Variants in DNAAF11 observed in about 807,000 individuals in gnomAD.
The protein encoded by DNAAF11 is dynein axonemal assembly factor 11.
DNAAF11 carries 45 observed loss-of-function variants against 60.8 expected under a neutral mutation model. The observed-to-expected ratio is 0.74, with a 90% CI of 0.58 to 0.95. DNAAF11 has a LOEUF of 0.95. DNAAF11 is among the 40% of genes least tolerant of loss of function. The pLI, the probability that DNAAF11 is intolerant of heterozygous loss-of-function variation, is 0.00. For missense variants in DNAAF11, 546 were observed against 546.2 expected (o/e 1.00, Z 0.00); for synonymous variants, 191 against 183.5 (o/e 1.04, Z -0.33).
intron 7 of DNAAF11, among the ~76,000 whole-genome samples, chr8:132,616,375 C>T (rs1381046906): frequency 2.0e-5 from 3 of 152,022 alleles, no homozygotes; most frequent in Admixed American, 1.3e-4. Context: ...ACAGATAAAC[C>T]ATGGAGACTG....
At chr8:132,637,159 C>A (rs922155232) in intron 4 of DNAAF11, among the ~76,000 whole-genome samples, 11 of 152,162 alleles carry the variant, frequency 7.2e-5, no homozygotes, top group African/African-American at 2.7e-4. Flanking sequence ...TAGTGGTTGT[C>A]AAATGAGGTT....
chr8:132,617,253 T>C lies in DNAAF11; in HGVS notation c.915-2156A>G, dbSNP rs571629368. On this transcript the variant is annotated intron_variant, in intron 7 of 11. Transcript: ENST00000620350. ...TGGTGAGAGCCATGAAGAGCGAATG[T>C]GAAAAGGGAAGACAGCTGAGGAGTT... Among the ~76,000 whole-genome samples the C allele has an allele frequency of 4.6e-5, 7 of 152,058 alleles. No homozygotes were observed. In the South Asian group the frequency reaches 1.5e-3, roughly 32 times the overall value.
At chr8:132,638,552 T>C (rs747031974) in intron 3 of DNAAF11, among the ~76,000 whole-genome samples, 14 of 152,142 alleles carry the variant, frequency 9.2e-5, no homozygotes, top group African/African-American at 1.2e-4. Context: ...TGGAGGGTGA[T>C]AGTGGAAAGA....
At chr8:132,576,880 A>T (rs895988231) in intron 11 of DNAAF11, among the ~76,000 whole-genome samples, 1 of 152,172 alleles carries the variant, frequency 6.6e-6, no homozygotes, top group Non-Finnish European at 1.5e-5. Context: ...GAAGTGGAAG[A>T]AGGGAGAGGG....
intron 1 of DNAAF11, among the ~76,000 whole-genome samples, chr8:132,662,766 C>T (rs1000761589): frequency 6.6e-6 from 1 of 152,192 alleles, no homozygotes; most frequent in South Asian, 2.1e-4. Context: ...CTGTCTCAAG[C>T]ATAAGCAAAT....
At chr8:132,581,678 A>G (rs1020045935) in intron 11 of DNAAF11, among the ~76,000 whole-genome samples, 1 of 151,376 alleles carries the variant, frequency 6.6e-6, no homozygotes, top group African/African-American at 2.4e-5. Context: ...AAAAAAAAAA[A>G]AAAAAGAAGA....
intron 10 of DNAAF11, among the ~76,000 whole-genome samples, chr8:132,596,859 T>A (rs1007521781): frequency 3.3e-5 from 5 of 152,234 alleles, no homozygotes; most frequent in African/African-American, 1.2e-4. Context: ...TCGAAGGGAC[T>A]GTGATGAGAT....
chr8:132,702,286 A>G, the DNAAF11 span: 1 of 152,216 alleles, frequency 6.6e-6, no homozygotes. Flanking sequence ...AAGTTGACTA[A>G]TAGGTCCAAT....
intron 7 of DNAAF11, among the ~76,000 whole-genome samples, chr8:132,616,383 C>T (rs1452836434): frequency 6.6e-6 from 1 of 152,124 alleles, no homozygotes; most frequent in Non-Finnish European, 1.5e-5. Context: ...ACCATGGAGA[C>T]TGCTTAATAA....
At chr8:132,662,632 C>T (rs1824248426) in intron 1 of DNAAF11, among the ~76,000 whole-genome samples, 1 of 152,176 alleles carries the variant, frequency 6.6e-6, no homozygotes, top group Admixed American at 6.5e-5. Context: ...TGCCATTTGT[C>T]AGATGAGGAA....
At chr8:132,651,681 A>G (rs1164936558) in intron 3 of DNAAF11, among the ~76,000 whole-genome samples, 2 of 152,206 alleles carry the variant, frequency 1.3e-5, no homozygotes, top group Non-Finnish European at 2.9e-5. Flanking sequence ...CAGAACTCAT[A>G]CGGTGTAAGA....
At position 132,592,055 on chromosome 8, in the gene DNAAF11, C is replaced by G. The variant is rs562798257; in HGVS notation, c.1141-8276G>C. 2.6e-5 allele frequency among the ~76,000 whole-genome samples: 4 copies of G among 152,142 alleles called. No individual in the cohort carries two copies. The South Asian group carries it at 8.3e-4, about 32-fold the overall frequency. The stretch of plus-strand genomic sequence containing the variant: ...GGTGTATTTGATGAACTAAGGTTTT[C>G]CAAATAGCCAATATCCTCCAATTTT... On this transcript the variant is annotated intron_variant, in intron 10 of 11. Transcript: ENST00000620350.
At chr8:132,661,102 A>T (rs770783267) in intron 2 of DNAAF11, among the ~76,000 whole-genome samples, 3 of 152,072 alleles carry the variant, frequency 2.0e-5, no homozygotes, top group Non-Finnish European at 2.9e-5. Flanking sequence ...GGACTCCCTC[A>T]ATTCTCATAT....
the DNAAF11 span, among the ~76,000 whole-genome samples, chr8:132,702,769 C>T: frequency 6.6e-6 from 1 of 152,108 alleles, no homozygotes; most frequent in African/African-American, 2.4e-5. Flanking sequence ...AATCGCTTGT[C>T]CAAAGTGAAA....
chr8:132,578,363 A>G, intron 11 of DNAAF11: 1 of 1,138,220 alleles, frequency 8.8e-7, no homozygotes, highest in Non-Finnish European at 1.2e-6. Flanking sequence ...GGGCACTTGA[A>G]GATCACAATA....
the DNAAF11 span, among the ~76,000 whole-genome samples, chr8:132,685,820 A>G: frequency 6.6e-6 from 1 of 152,180 alleles, no homozygotes; most frequent in Non-Finnish European, 1.5e-5. Flanking sequence ...TGTGTGTCCA[A>G]ATAATTGTGT....
intron 7 of DNAAF11, among the ~76,000 whole-genome samples, chr8:132,616,564 G>A (rs1263890012): frequency 1.3e-5 from 2 of 152,140 alleles, no homozygotes; most frequent in African/African-American, 4.8e-5. Context: ...TAGCCAAGGG[G>A]TGAATGTGTG....
chr8:132,600,215 GGGAT>G (rs1817463930), intron 10 of DNAAF11, among the ~76,000 whole-genome samples: 1 of 152,082 alleles, frequency 6.6e-6, no homozygotes, highest in African/African-American at 2.4e-5. Flanking sequence ...CAACTTACAA[GGGAT>G]GTGAAGGACC....
chr8:132,652,436 T>C (rs748173840), intron 3 of DNAAF11, among the ~76,000 whole-genome samples: 10 of 152,080 alleles, frequency 6.6e-5, no homozygotes, highest in Non-Finnish European at 8.8e-5. Flanking sequence ...ATTCAGGGGA[T>C]GAAAAAAATT....
Sources: gnomAD v4.1 joint callset for allele counts (sites outside exome capture counted in the v4.1 genomes callset) on GRCh38, gnomAD v4.1.1 for gene constraint, MANE v1.5 for transcripts, NCBI Gene and HGNC (gene_info 2026-07-23, HGNC 2026-07-21) for gene names.